The following PLEKHA8 variants were observed in gnomAD, a reference collection of about 807,000 sequenced individuals.
The protein encoded by PLEKHA8 is pleckstrin homology domain-containing family A member 8.
Under a neutral mutation model 68.2 loss-of-function variants are expected in PLEKHA8, and 36 were observed. That is an observed-to-expected ratio of 0.53 (90% CI 0.40 to 0.70). The LOEUF (loss-of-function observed/expected upper bound fraction) is 0.70, where lower values mean the gene tolerates loss of function less well. Among genes scored for constraint, PLEKHA8 ranks in the 30% least tolerant of loss-of-function variants. The pLI, the probability that PLEKHA8 is intolerant of heterozygous loss-of-function variation, is 0.00. For missense variants in PLEKHA8, 505 were observed against 615.4 expected, an observed-to-expected ratio of 0.82 and a Z score of 1.90; for synonymous variants, 211 against 216.1, an observed-to-expected ratio of 0.98 and a Z score of 0.20.
intron 9 of PLEKHA8, among the ~76,000 whole-genome samples, chr7:30,059,375 T>C (rs553785628): frequency 6.6e-6 from 1 of 152,230 alleles, no homozygotes; most frequent in South Asian, 2.1e-4. Context: ...CATGAATGAG[T>C]TAACTTCATA....
At chr7:30,056,737 AAAAAAGT>A (rs1347852002) in intron 9 of PLEKHA8, among the ~76,000 whole-genome samples, 1 of 101,452 alleles carries the variant, frequency 9.9e-6, no homozygotes, top group African/African-American at 3.6e-5. Context: ...AAAAAAAAAA[AAAAAAGT>A]GTGTGTGTGT....
intron 13 of PLEKHA8, among the ~76,000 whole-genome samples, chr7:30,116,226 G>A (rs1382928228): frequency 2.7e-5 from 4 of 147,528 alleles, no homozygotes; most frequent in East Asian, 2.0e-4. Flanking sequence ...ATGTATATAC[G>A]TATACATGTA....
chr7:30,081,519 G>C lies in PLEKHA8; in HGVS notation c.*2732G>C, dbSNP rs1393349911. On this transcript the variant is annotated 3_prime_UTR_variant, in exon 14 of 14. Transcript: ENST00000449726. The stretch of plus-strand genomic sequence containing the variant: ...CTGATGTGTAATCACTTTCCAAGAA[G>C]AGGGCAATGAGAAAAGATATTTAAA... The C allele has an allele frequency of 3.0e-6, 3 of 985,142 alleles. No homozygotes were observed. In the African/African-American group the frequency reaches 5.2e-5, roughly 17 times the overall value. 61.0% of individuals were successfully genotyped at this position (985,142 alleles called of 1,614,324 possible).
intron 13 of PLEKHA8, chr7:30,117,977 C>A: frequency 6.5e-7 from 1 of 1,531,224 alleles, no homozygotes; most frequent in Non-Finnish European, 8.7e-7. Flanking sequence ...CAGGGACACA[C>A]AAATGTCTGA....
At chr7:30,056,067 C>G (rs554231154) in intron 9 of PLEKHA8, among the ~76,000 whole-genome samples, 2 of 150,766 alleles carry the variant, frequency 1.3e-5, no homozygotes, top group East Asian at 3.9e-4. Flanking sequence ...CTCAGCCTCC[C>G]GAGTAGCTGG....
chr7:30,050,401 A>C, intron 5 of PLEKHA8, 33 bp from the exon 6 acceptor site: 1 of 1,553,924 alleles, frequency 6.4e-7, no homozygotes, highest in Non-Finnish European at 8.7e-7. Context: ...AAAGTTTAAC[A>C]TGTGAACTTT....
rs1234095636 is a variant in PLEKHA8, at chr7:30,028,687, T to G, written c.-76T>G. 1.8e-6 allele frequency: 2 copies of G among 1,128,078 alleles called. No individual in the cohort carries two copies. Among genetic ancestry groups the G allele is most frequent in the Admixed American group, 4.3e-5 (1 of 23,502 alleles). The allele number at this position is 1,128,078 out of a possible 1,614,324, so 69.9% of individuals were successfully genotyped here. On this transcript the variant is annotated 5_prime_UTR_variant, in exon 1 of 14. Transcript: ENST00000449726. ...GGGCAGCGCCAGGCGATGGCCCTGC[T>G]GCTGGTGCTCCTCGCCTCTTGGGGC...
intron 1 of PLEKHA8, among the ~76,000 whole-genome samples, chr7:30,039,684 G>A (rs770717216): frequency 6.6e-6 from 1 of 152,110 alleles, no homozygotes; most frequent in Non-Finnish European, 1.5e-5. Flanking sequence ...TCACCTTGCT[G>A]AACTCATTTA....
At chr7:30,050,329 TTATGGTCA>T in intron 5 of PLEKHA8, 97 bp from the exon 6 acceptor site, 1 of 1,413,916 alleles carries the variant, frequency 7.1e-7, no homozygotes, top group Non-Finnish European at 9.4e-7. Flanking sequence ...CTAGTGTATT[TTATGGTCA>T]TATGGTCATA....
chr7:30,049,166 A>G (rs1171886710), intron 4 of PLEKHA8, 58 bp from the exon 5 acceptor site: 2 of 1,603,104 alleles, frequency 1.2e-6, no homozygotes, highest in African/African-American at 1.3e-5. Context: ...ACATTCCACA[A>G]TTGGGCTTTT....
intron 13 of PLEKHA8, among the ~76,000 whole-genome samples, chr7:30,128,089 GTATT>G (rs1796807178): frequency 8.2e-6 from 1 of 121,576 alleles, no homozygotes. Context: ...GAGTTTTACT[GTATT>G]TTTTTTTTTT....
chr7:30,104,166 A>C (rs1043009628), intron 13 of PLEKHA8, among the ~76,000 whole-genome samples: 2 of 152,232 alleles, frequency 1.3e-5, no homozygotes, highest in East Asian at 3.8e-4. Context: ...CTATACATCC[A>C]CTAGTTTGGT....
chr7:30,077,894 A>G (rs962390418), intron 13 of PLEKHA8, among the ~76,000 whole-genome samples: 4 of 152,212 alleles, frequency 2.6e-5, no homozygotes, highest in African/African-American at 9.6e-5. Context: ...GGCAAGTGGC[A>G]TAATATGGTG....
rs911117266 is a variant in PLEKHA8, at chr7:30,084,233, T to C, written c.*5446T>C. The stretch of plus-strand genomic sequence containing the variant: ...ACATAGATTTCCTTGGATTAATTTT[T>C]AAGTCACTGTTTAATTCCATGCCTA... On this transcript the variant is annotated 3_prime_UTR_variant, in exon 14 of 14. Coordinates refer to ENST00000449726, the MANE Select transcript of PLEKHA8 (RefSeq NM_001197026.2). 1.0e-6 allele frequency: 1 copy of C among 985,216 alleles called. No homozygotes were observed. The highest frequency in any genetic ancestry group is 1.7e-5 in the African/African-American group (1 of 57,238). The allele number at this position is 985,216 out of a possible 1,614,324, so 61.0% of individuals were successfully genotyped here. A position where few individuals can be genotyped will look rare whatever the true frequency, so the allele number is the denominator to read the frequency against.
intron 13 of PLEKHA8, among the ~76,000 whole-genome samples, chr7:30,077,593 T>G (rs941622876): frequency 9.9e-5 from 15 of 152,170 alleles, no homozygotes; most frequent in African/African-American, 3.1e-4. Context: ...TTCCTCAAAC[T>G]GGTATGTGAA....
intron 12 of PLEKHA8, among the ~76,000 whole-genome samples, chr7:30,073,048 A>G (rs1464943989): frequency 1.3e-5 from 2 of 152,198 alleles, no homozygotes; most frequent in Non-Finnish European, 2.9e-5. Flanking sequence ...AAATGCATCC[A>G]TCTGGTTCTT....
At chr7:30,118,174 G>A (rs541547516) in intron 13 of PLEKHA8, 2 of 553,886 alleles carry the variant, frequency 3.6e-6, no homozygotes, top group South Asian at 8.5e-5. Flanking sequence ...CTGGAGAGAA[G>A]GAAGTATGTG....
intron 9 of PLEKHA8, among the ~76,000 whole-genome samples, chr7:30,059,781 T>A (rs1251475925): frequency 6.6e-6 from 1 of 152,160 alleles, no homozygotes; most frequent in African/African-American, 2.4e-5. Flanking sequence ...TCAAACCACA[T>A]ATGTAATTTT....
At chr7:30,030,602 G>C (rs1790586926) in intron 1 of PLEKHA8, among the ~76,000 whole-genome samples, 1 of 152,254 alleles carries the variant, frequency 6.6e-6, no homozygotes, top group South Asian at 2.1e-4. Context: ...AGAGACAGCT[G>C]TCTCTACGTG....
Sources: gnomAD v4.1 joint callset for allele counts (sites outside exome capture counted in the v4.1 genomes callset) on GRCh38, gnomAD v4.1.1 for gene constraint, MANE v1.5 for transcripts, NCBI Gene and HGNC (gene_info 2026-07-23, HGNC 2026-07-21) for gene names.